ROBO2: variants seen among roughly 807,000 people sequenced by gnomAD.
ROBO2 encodes roundabout homolog 2.
Under a neutral mutation model 160.8 loss-of-function variants are expected in ROBO2, and 53 were observed. That is an observed-to-expected ratio of 0.33 (90% CI 0.26 to 0.41). The LOEUF (loss-of-function observed/expected upper bound fraction) is 0.41. Among genes scored for constraint, ROBO2 ranks in the 10% least tolerant of loss-of-function variants. The pLI is 1.00. For missense variants in ROBO2, 1,577 were observed against 1,722.4 expected (o/e 0.92, Z 1.49); for synonymous variants, 664 against 611.7 (o/e 1.09, Z -1.26).
At chr3:76,623,770 A>G (rs992807642) in intron 2 of ROBO2, among the ~76,000 whole-genome samples, 3 of 152,202 alleles carry the variant, frequency 2.0e-5, no homozygotes, top group African/African-American at 7.2e-5. Flanking sequence ...TAGTTTCATT[A>G]TCTCAACTTT....
At chr3:77,163,613 T>C (rs145532152) in intron 2 of ROBO2, among the ~76,000 whole-genome samples, 1 of 152,218 alleles carries the variant, frequency 6.6e-6, no homozygotes, top group Non-Finnish European at 1.5e-5. Flanking sequence ...GCTACAGTAT[T>C]TATAATAATT....
At position 76,039,036 on chromosome 3, in the gene ROBO2, C is replaced by T. The variant is rs572260898; in HGVS notation, c.109+101434C>T. Among the ~76,000 whole-genome samples the T allele has an allele frequency of 2.0e-5, 3 of 151,882 alleles. No homozygotes were observed. The East Asian group carries it at 5.8e-4, about 29-fold the overall frequency. ...TCTTACTGAAGAGTTTAGAAGGAAACACAAAATCAGGAAAATGGTAGCACA... is the reference window on the plus strand; with the variant it reads ...TCTTACTGAAGAGTTTAGAAGGAAATACAAAATCAGGAAAATGGTAGCACA... On this transcript the variant is annotated intron_variant, in intron 2 of 26. Transcript: ENST00000487694.
chr3:77,369,557 C>T (rs955313935), intron 2 of ROBO2, among the ~76,000 whole-genome samples: 19 of 152,114 alleles, frequency 1.2e-4, no homozygotes, highest in Admixed American at 4.6e-4. Flanking sequence ...CCTGAAAGTG[C>T]GGACCCTTTT....
intron 2 of ROBO2, among the ~76,000 whole-genome samples, chr3:75,991,209 A>G (rs1481758129): frequency 2.0e-5 from 3 of 152,142 alleles, no homozygotes; most frequent in Non-Finnish European, 2.9e-5. Flanking sequence ...AATTTCTGTA[A>G]AGAATCCTGA....
At chr3:76,296,226 A>G (rs928881096) in intron 2 of ROBO2, among the ~76,000 whole-genome samples, 1 of 152,226 alleles carries the variant, frequency 6.6e-6, no homozygotes, top group Non-Finnish European at 1.5e-5. Flanking sequence ...AACCACTGGA[A>G]GTAGAAAGGA....
intron 2 of ROBO2, among the ~76,000 whole-genome samples, chr3:76,744,672 G>A (rs1234045512): frequency 2.6e-5 from 4 of 151,984 alleles, no homozygotes; most frequent in African/African-American, 4.8e-5. Flanking sequence ...AGAATTGACC[G>A]CTTTTGAGGC....
At chr3:76,617,051 T>C (rs1413553066) in intron 2 of ROBO2, among the ~76,000 whole-genome samples, 1 of 152,108 alleles carries the variant, frequency 6.6e-6, no homozygotes, top group African/African-American at 2.4e-5. Flanking sequence ...GCCCAGGGCA[T>C]TGGATATATA....
intron 2 of ROBO2, among the ~76,000 whole-genome samples, chr3:76,286,271 G>A (rs1172689374): frequency 6.6e-6 from 1 of 152,120 alleles, no homozygotes; most frequent in Non-Finnish European, 1.5e-5. Flanking sequence ...GAGACAGGAT[G>A]TAGAAAACTA....
At chr3:77,608,605 A>C (rs2094569338) in intron 21 of ROBO2, among the ~76,000 whole-genome samples, 1 of 152,188 alleles carries the variant, frequency 6.6e-6, no homozygotes, top group Non-Finnish European at 1.5e-5. Context: ...TTAAGCTTTA[A>C]TTGATTTTAA....
At chr3:77,037,556 C>A (rs368515465), upstream of ROBO2, among the ~76,000 whole-genome samples, 4 of 152,272 alleles carry the variant, frequency 2.6e-5, no homozygotes, top group East Asian at 7.7e-4. Flanking sequence ...TCATACCCTA[C>A]ACAAGGATAA....
intron 2 of ROBO2, among the ~76,000 whole-genome samples, chr3:76,304,804 CT>C (rs1257198788): frequency 2.1e-5 from 2 of 93,542 alleles, no homozygotes; most frequent in African/African-American, 4.4e-5. Context: ...CTTTCTCTTT[CT>C]TTTTTTTTGT....
At chr3:77,461,873 G>A (rs2044598) in intron 2 of ROBO2, among the ~76,000 whole-genome samples, 40,002 of 151,482 alleles carry the variant, frequency 0.26, 5,645 homozygotes, top group South Asian at 0.39. Flanking sequence ...TTACAGGCCC[G>A]TGCCACCACA....
At chr3:76,196,624 C>A (rs1192848704) in intron 2 of ROBO2, among the ~76,000 whole-genome samples, 1 of 152,078 alleles carries the variant, frequency 6.6e-6, no homozygotes, top group Non-Finnish European at 1.5e-5. Context: ...CGCTTAATGT[C>A]TTATTCCTGT....
At chr3:76,209,638 A>G (rs1703019394) in intron 2 of ROBO2, among the ~76,000 whole-genome samples, 1 of 152,136 alleles carries the variant, frequency 6.6e-6, no homozygotes. Flanking sequence ...TGTTAATTTT[A>G]AAGAGAGTTG....
At chr3:76,822,054 G>A (rs923217845) in intron 2 of ROBO2, among the ~76,000 whole-genome samples, 9 of 151,746 alleles carry the variant, frequency 5.9e-5, no homozygotes, top group Non-Finnish European at 1.2e-4. Flanking sequence ...GTATTTATGA[G>A]ATAAATACCA....
chr3:76,869,374 G>A (rs1423828845), intron 2 of ROBO2, among the ~76,000 whole-genome samples: 2 of 127,926 alleles, frequency 1.6e-5, no homozygotes, highest in African/African-American at 6.2e-5. Flanking sequence ...TTTTGAGACG[G>A]AGTCTGACTC....
At chr3:77,532,668 T>C (rs1346874404) in intron 6 of ROBO2, among the ~76,000 whole-genome samples, 1 of 151,920 alleles carries the variant, frequency 6.6e-6, no homozygotes, top group Non-Finnish European at 1.5e-5. Context: ...ACCGCGTCTC[T>C]AACTTTTAAA....
chr3:76,947,623 A>T (rs2078647583), intron 2 of ROBO2, among the ~76,000 whole-genome samples: 1 of 152,040 alleles, frequency 6.6e-6, no homozygotes, highest in Non-Finnish European at 1.5e-5. Context: ...TTCTTAGTTA[A>T]CAATTTCAAA....
At chr3:76,821,386 A>G (rs1017595051) in intron 2 of ROBO2, among the ~76,000 whole-genome samples, 1 of 152,152 alleles carries the variant, frequency 6.6e-6, no homozygotes, top group East Asian at 1.9e-4. Flanking sequence ...AAAGAGGTCA[A>G]ATTAATTCCC....
Sources: allele counts gnomAD v4.1 joint callset (sites outside exome capture counted in the v4.1 genomes callset), GRCh38; gene constraint gnomAD v4.1.1; transcripts MANE v1.5; gene names NCBI Gene and HGNC (gene_info 2026-07-23, HGNC 2026-07-21).